The following MACROD2 variants were observed in gnomAD, a reference collection of about 807,000 sequenced individuals.
MACROD2 encodes the protein mono-ADP ribosylhydrolase 2.
MACROD2 carries 36 observed loss-of-function variants against 70.4 expected under a neutral mutation model. The ratio of observed to expected loss-of-function variants is 0.51; its 90% CI spans 0.39 to 0.68. MACROD2 has a LOEUF of 0.68. Among genes scored for constraint, MACROD2 ranks in the 30% least tolerant of loss-of-function variants. The pLI is 0.00. For synonymous variants in MACROD2, 172 were observed against 178.8 expected, an observed-to-expected ratio of 0.96 and a Z score of 0.30; for missense variants, 496 against 538.4, an observed-to-expected ratio of 0.92 and a Z score of 0.78.
At chr20:15,152,650 A>T (rs1284658274) in intron 5 of MACROD2, among the ~76,000 whole-genome samples, 4 of 151,430 alleles carry the variant, frequency 2.6e-5, no homozygotes, top group Non-Finnish European at 4.4e-5. Flanking sequence ...AGAGACACAG[A>T]GAAGGGGTTG....
At chr20:15,969,090 A>T (rs76056211) in intron 13 of MACROD2, among the ~76,000 whole-genome samples, 1,687 of 152,054 alleles carry the variant, frequency 0.011, 27 homozygotes, top group African/African-American at 0.038. Context: ...AAGATACGTA[A>T]CCTAGCAGGA....
At chr20:14,888,271 A>G (rs1159347651) in intron 5 of MACROD2, 1 of 152,246 alleles carries the variant, frequency 6.6e-6, no homozygotes, top group Non-Finnish European at 1.5e-5. Context: ...CCATGCACCA[A>G]GCCTGCCACA....
At chr20:15,800,281 T>C (rs1323088824) in intron 8 of MACROD2, among the ~76,000 whole-genome samples, 3 of 151,838 alleles carry the variant, frequency 2.0e-5, no homozygotes, top group African/African-American at 7.3e-5. Flanking sequence ...AGAAGCTTTT[T>C]AATTTAATAT....
intron 8 of MACROD2, among the ~76,000 whole-genome samples, chr20:15,650,823 C>A (rs897634748): frequency 1.1e-4 from 16 of 152,048 alleles, no homozygotes; most frequent in African/African-American, 3.9e-4. Flanking sequence ...AACCTGAGAA[C>A]CCCTTGCGCT....
In MACROD2 at chr20:14,692,874, C is replaced by A. The variant is rs530992555; in HGVS notation, c.418+7915C>A. 9.8e-5 allele frequency among the ~76,000 whole-genome samples: 15 copies of A among 152,332 alleles called. No individual in the cohort carries two copies. In the East Asian group the frequency reaches 1.7e-3, roughly 18 times the overall value. Reference sequence around the variant, plus strand: ...ATTGTGATAACATAGAGTCCACCCCCAAATGGCTTTGTGATGAAATAACTT... The same window carrying A: ...ATTGTGATAACATAGAGTCCACCCCAAAATGGCTTTGTGATGAAATAACTT... On this transcript the variant is annotated intron_variant, in intron 5 of 17. Coordinates refer to ENST00000684519, the MANE Select transcript of MACROD2 (RefSeq NM_001351661.2).
intron 4 of MACROD2, among the ~76,000 whole-genome samples, chr20:14,528,323 T>G (rs1397137239): frequency 3.3e-5 from 5 of 149,640 alleles, no homozygotes; most frequent in African/African-American, 4.9e-5. Context: ...GGGTTTCTGT[T>G]TTTTTTTTTT....
intron 8 of MACROD2, among the ~76,000 whole-genome samples, chr20:15,624,561 C>T (rs1466284940): frequency 6.6e-6 from 1 of 152,092 alleles, no homozygotes; most frequent in Non-Finnish European, 1.5e-5. Flanking sequence ...AGCTATGGCC[C>T]ACAGACTGAA....
At chr20:14,044,834 C>G (rs1399182971) in intron 2 of MACROD2, among the ~76,000 whole-genome samples, 1 of 152,214 alleles carries the variant, frequency 6.6e-6, no homozygotes, top group African/African-American at 2.4e-5. Flanking sequence ...GCTTGCACTC[C>G]TCAGCCCTTG....
At chr20:14,965,963 T>C (rs1021515483) in intron 5 of MACROD2, among the ~76,000 whole-genome samples, 1 of 152,092 alleles carries the variant, frequency 6.6e-6, no homozygotes, top group Non-Finnish European at 1.5e-5. Context: ...TATGACTACT[T>C]TTCAGTGGGG....
intron 3 of MACROD2, among the ~76,000 whole-genome samples, chr20:14,277,495 A>G (rs2082269843): frequency 6.6e-6 from 1 of 152,188 alleles, no homozygotes; most frequent in Non-Finnish European, 1.5e-5. Flanking sequence ...CCAAAAAGCT[A>G]GTTTACTTGA....
intron 4 of MACROD2, among the ~76,000 whole-genome samples, chr20:14,541,951 TG>T (rs1309736158): frequency 6.6e-6 from 1 of 152,194 alleles, no homozygotes; most frequent in Admixed American, 6.5e-5. Context: ...AACTACAGAA[TG>T]TAATCTGGGA....
chr20:14,084,055 C>G (rs1305630552), intron 2 of MACROD2, among the ~76,000 whole-genome samples: 3 of 80,200 alleles, frequency 3.7e-5, no homozygotes, highest in African/African-American at 5.3e-5. Flanking sequence ...GAGCGAGACT[C>G]CGTCTCAAAA....
chr20:15,088,397 T>TTTTA (rs1423606664), intron 5 of MACROD2, among the ~76,000 whole-genome samples: 1 of 111,168 alleles, frequency 9.0e-6, no homozygotes, highest in African/African-American at 4.0e-5. Flanking sequence ...ATACTATATT[T>TTTTA]TATATATATA....
chr20:14,268,979 G>A (rs772045958), intron 3 of MACROD2, among the ~76,000 whole-genome samples: 1 of 152,104 alleles, frequency 6.6e-6, no homozygotes, highest in East Asian at 1.9e-4. Context: ...TTGTGTGTTG[G>A]CGTAATAACA....
chr20:15,229,282 TTGAA>T (rs1434936766), intron 5 of MACROD2, among the ~76,000 whole-genome samples: 1 of 152,238 alleles, frequency 6.6e-6, no homozygotes, highest in East Asian at 1.9e-4. Context: ...ATTAAAATGT[TTGAA>T]TGTTTTAATA....
At chr20:14,790,868 A>G (rs981810882) in intron 5 of MACROD2, among the ~76,000 whole-genome samples, 4 of 151,950 alleles carry the variant, frequency 2.6e-5, no homozygotes, top group South Asian at 2.1e-4. Context: ...TCCTCTGTAC[A>G]TTTCCTCAAT....
chr20:15,497,312 A>G (rs2047310244), intron 7 of MACROD2, among the ~76,000 whole-genome samples: 1 of 151,864 alleles, frequency 6.6e-6, no homozygotes, highest in Non-Finnish European at 1.5e-5. Flanking sequence ...TTTTTTTTTG[A>G]GACAGAGTCT....
chr20:14,804,504 A>G (rs958143701), intron 5 of MACROD2, among the ~76,000 whole-genome samples: 2 of 152,014 alleles, frequency 1.3e-5, no homozygotes, highest in African/African-American at 4.8e-5. Context: ...TGTCTCATTT[A>G]CAAATGTCCA....
intron 4 of MACROD2, among the ~76,000 whole-genome samples, chr20:14,577,794 AAAGAGAAGAGAAGAG>A (rs140897912): frequency 0.016 from 2,223 of 137,818 alleles, 63 homozygotes; most frequent in African/African-American, 0.055. Flanking sequence ...AAAGAAAAGG[AAAGAGAAGAGAAGAG>A]AAGAGAAGAG....
Sources: gnomAD v4.1 joint callset for allele counts (sites outside exome capture counted in the v4.1 genomes callset) on GRCh38, gnomAD v4.1.1 for gene constraint, MANE v1.5 for transcripts, NCBI Gene and HGNC (gene_info 2026-07-23, HGNC 2026-07-21) for gene names.